The following R3HCC1 variants were observed in gnomAD, a reference collection of about 807,000 sequenced individuals.
R3HCC1 encodes R3H domain and coiled-coil containing 1, also known as R3H and coiled-coil domain-containing protein 1.
Under a neutral mutation model 40.0 loss-of-function variants are expected in R3HCC1, and 32 were observed. The ratio of observed to expected loss-of-function variants is 0.80; its 90% CI spans 0.60 to 1.07. The LOEUF is 1.07. R3HCC1 is among the 50% of genes least tolerant of loss of function. The probability of loss-of-function intolerance (pLI) is 0.00; values close to 1 mark genes in which losing one functional copy is unlikely to be tolerated. For synonymous variants in R3HCC1, 237 were observed against 232.8 expected, an observed-to-expected ratio of 1.02 and a Z score of -0.17; for missense variants, 586 against 563.3, an observed-to-expected ratio of 1.04 and a Z score of -0.41.
In R3HCC1 at chr8:23,296,133, G is replaced by A. The variant is rs757545412; in HGVS notation, c.*36G>A. ...CCCAACTGGCCTGGATCTGCGTCCCGACGTAGCTGGCGCCCCCAACACCAT... is the reference window on the plus strand; with the variant it reads ...CCCAACTGGCCTGGATCTGCGTCCCAACGTAGCTGGCGCCCCCAACACCAT... On this transcript the variant is annotated 3_prime_UTR_variant, in exon 8 of 8. Transcript: ENST00000265806. 17 of 1,532,116 alleles carry A rather than the reference G, an allele frequency of 1.1e-5. No homozygotes were observed. The highest frequency in any genetic ancestry group is 2.0e-4 in the Middle Eastern group (1 of 4,974). The allele number at this position is 1,532,116 out of a possible 1,614,324, so 94.9% of individuals were successfully genotyped here.
In R3HCC1 at chr8:23,289,030, C is replaced by A. The variant is rs959107815; in HGVS notation, c.125C>A (p.Pro42His). Reference sequence around the variant, plus strand: ...TCCCTCCCCAGGGTTCTTCTTTTCCCCCCACTCTCCAGTCGCCTCCGGTAC... The same window carrying A: ...TCCCTCCCCAGGGTTCTTCTTTTCCACCCACTCTCCAGTCGCCTCCGGTAC... The change falls in exon 3 of 8, where the codon CCC (proline) becomes CAC (histidine). Residue 42 changes from proline (P) to histidine (H), a missense_variant. Coordinates refer to ENST00000265806, the MANE Select transcript of R3HCC1 (RefSeq NM_001136108.3). 1.3e-6 allele frequency: 2 copies of A among 1,536,504 alleles called. No homozygotes were observed. The highest frequency in any genetic ancestry group is 1.7e-6 in the Non-Finnish European group (2 of 1,147,012).
intron 2 of R3HCC1, 31 bp downstream of exon 2, chr8:23,288,664 C>T (rs2117118118): frequency 1.3e-6 from 2 of 1,532,628 alleles, no homozygotes; most frequent in East Asian, 4.9e-5. Flanking sequence ...AGGGTGCCGC[C>T]TTGCTGGGAA....
intron 7 of R3HCC1, 91 bp downstream of exon 7, chr8:23,294,955 T>C: frequency 1.0e-6 from 1 of 970,238 alleles, no homozygotes. Flanking sequence ...GTGTCTGGTT[T>C]GGGCAGGGTC....
chr8:23,295,393 C>T, intron 7 of R3HCC1: 1 of 446,668 alleles, frequency 2.2e-6, no homozygotes, highest in South Asian at 1.6e-5. Flanking sequence ...CTGCCTGGAG[C>T]CCTGAGGGCA....
intron 1 of R3HCC1, 174 bp downstream of exon 1, chr8:23,288,331 A>G: frequency 8.9e-7 from 1 of 1,119,326 alleles, no homozygotes; most frequent in Non-Finnish European, 1.2e-6. Flanking sequence ...CTTGGGCAGG[A>G]GCCAGGAGAC....
At chr8:23,290,619 A>G in intron 4 of R3HCC1, 150 bp downstream of exon 4, 1 of 960,602 alleles carries the variant, frequency 1.0e-6, no homozygotes, top group Non-Finnish European at 1.5e-6. Flanking sequence ...TCCTTAGGGA[A>G]CTCAGGAGAT....
At chr8:23,295,908 T>C (rs1350242938) in intron 7 of R3HCC1, 59 bp from the exon 8 acceptor site, 4 of 1,498,292 alleles carry the variant, frequency 2.7e-6, no homozygotes, top group African/African-American at 1.4e-5. Flanking sequence ...GCTGTGTTGC[T>C]GGGGGAGAGG....
chr8:23,295,856 C>T, intron 7 of R3HCC1, 111 bp from the exon 8 acceptor site: 3 of 1,390,816 alleles, frequency 2.2e-6, no homozygotes, highest in Non-Finnish European at 2.9e-6. Context: ...CGAGGCCCCA[C>T]ATGTGTCACA....
At chr8:23,295,102 C>T (rs1432399134) in intron 7 of R3HCC1, among the ~76,000 whole-genome samples, 3 of 152,198 alleles carry the variant, frequency 2.0e-5, no homozygotes, top group Non-Finnish European at 2.9e-5. Context: ...TGGGGAGTGG[C>T]GTCTGCCAGC....
intron 2 of R3HCC1, 131 bp downstream of exon 2, chr8:23,288,764 G>A: frequency 1.7e-6 from 2 of 1,178,186 alleles, no homozygotes; most frequent in Non-Finnish European, 2.4e-6. Flanking sequence ...TATAACGCCA[G>A]CTGCCTCTTT....
chr8:23,291,817 C>T (rs1312793998), intron 5 of R3HCC1, among the ~76,000 whole-genome samples: 1 of 152,258 alleles, frequency 6.6e-6, no homozygotes, highest in Non-Finnish European at 1.5e-5. Flanking sequence ...CGCCCTCCCT[C>T]AGTCTCAAGG....
At chr8:23,288,281 G>A in intron 1 of R3HCC1, 124 bp downstream of exon 1, 1 of 1,122,792 alleles carries the variant, frequency 8.9e-7, no homozygotes, top group East Asian at 3.4e-5. Flanking sequence ...GCAGGGTGTG[G>A]AGCCACCCTC....
At position 23,288,414 on chromosome 8, in the gene R3HCC1, T is replaced by A. The variant is rs1172221577; in HGVS notation, c.-18-92T>A. On this transcript the variant is annotated intron_variant, in intron 1 of 7. Coordinates refer to ENST00000265806, the MANE Select transcript of R3HCC1 (RefSeq NM_001136108.3). ...CGCCACCGAGCCTTGGACCAGAGGG[T>A]TTCTAAGGCCCTTTCGGTGCCGGCG... The A allele has an allele frequency of 5.4e-6, 8 of 1,485,068 alleles. No homozygotes were observed. In the South Asian group the frequency reaches 8.6e-5, roughly 16 times the overall value. The allele number at this position is 1,485,068 out of a possible 1,614,324, so 92.0% of individuals were successfully genotyped here.
intron 6 of R3HCC1, 52 bp downstream of exon 6, chr8:23,293,425 A>C: frequency 7.0e-7 from 1 of 1,435,490 alleles, no homozygotes; most frequent in Non-Finnish European, 9.6e-7. Context: ...GTTGAGAGGG[A>C]GGACCCTTGG....
chr8:23,289,086 C>T lies in R3HCC1; in HGVS notation c.181C>T (p.Leu61Phe). Residue 61 changes from leucine (L) to phenylalanine (F), a missense_variant, in exon 3 of 8, where the codon CTC becomes TTC. Coordinates refer to ENST00000265806, the MANE Select transcript of R3HCC1 (RefSeq NM_001136108.3). ...CCATAGAACAGCAGAGAATTTTGAT[C>T]TCTTGAGCAGCTTCTCCGTTGGGGA... 6.5e-7 allele frequency: 1 copy of T among 1,536,568 alleles called. No individual in the cohort carries two copies. Among genetic ancestry groups the T allele is most frequent in the African/African-American group, 1.4e-5 (1 of 73,182 alleles).
Position 23,294,802 on chromosome 8 carries a change from T to G in R3HCC1, c.1130T>G (p.Leu377Arg). The G allele has an allele frequency of 6.4e-7, 1 of 1,551,246 alleles. No individual in the cohort carries two copies. The highest frequency in any genetic ancestry group is 1.2e-5 in the South Asian group (1 of 84,048). ...GCCCTGACCCGGGAGTTCTCGGTGC[T>G]CAAGATCCGGCCCCTCACACAGGGA... Residue 377 changes from leucine (L) to arginine (R), a missense_variant, in exon 7 of 8, where the codon CTC (leucine) becomes CGC (arginine). Transcript: ENST00000265806.
chr8:23,293,219 G>A (rs1802907567), intron 5 of R3HCC1, 84 bp from the exon 6 acceptor site: 1 of 1,141,936 alleles, frequency 8.8e-7, no homozygotes, highest in East Asian at 2.6e-5. Flanking sequence ...GCGGGCTGGA[G>A]GCGAGGGGGT....
Position 23,290,464 on chromosome 8 carries a change from C to T in R3HCC1, c.847C>T (p.Gln283Ter), listed in dbSNP as rs1188994696. 1 of 1,547,996 alleles carries T rather than the reference C, an allele frequency of 6.5e-7. No homozygotes were observed. The highest frequency in any genetic ancestry group is 8.7e-7 in the Non-Finnish European group (1 of 1,145,146). The change falls in exon 4 of 8, where the codon CAG becomes TAG. Residue 283 changes from glutamine to a stop codon, truncating the protein, a stop_gained. Transcript: ENST00000265806. LOFTEE classifies it high-confidence loss of function. ...GGAGGACGATTACAGTGAGCTGCTGCAGGAGGTGATGAGGCTCTTGAGCCC... is the reference window on the plus strand; with the variant it reads ...GGAGGACGATTACAGTGAGCTGCTGTAGGAGGTGATGAGGCTCTTGAGCCC...
chr8:23,290,968 A>G (rs1261332488), intron 4 of R3HCC1: 1 of 206,578 alleles, frequency 4.8e-6, no homozygotes, highest in African/African-American at 2.3e-5. Context: ...AGACCTGCCA[A>G]ATATCACATC....
Sources: allele counts gnomAD v4.1 joint callset (sites outside exome capture counted in the v4.1 genomes callset), GRCh38; gene constraint gnomAD v4.1.1; transcripts MANE v1.5; gene names NCBI Gene and HGNC (gene_info 2026-07-23, HGNC 2026-07-21).